Variants in NCAPG2 observed in about 807,000 individuals in gnomAD.
NCAPG2 encodes non-SMC condensin II complex subunit G2.
In NCAPG2, 53 loss-of-function variants were observed where a neutral mutation model predicts 141.1. That is an observed-to-expected ratio of 0.38 (90% CI 0.30 to 0.47). The LOEUF is 0.47. Among genes scored for constraint, NCAPG2 ranks in the 20% least tolerant of loss-of-function variants. NCAPG2 has a pLI of 0.99. For synonymous variants in NCAPG2, 499 were observed against 490.7 expected (o/e 1.02, Z -0.22); for missense variants, 1,087 against 1,389.0 (o/e 0.78, Z 3.46).
chr7:158,641,172 T>TA (rs755584185), intron 27 of NCAPG2: 7 of 241,550 alleles, frequency 2.9e-5, no homozygotes, highest in Non-Finnish European at 4.7e-5. Flanking sequence ...AACGGCATCA[T>TA]AAAATGTTCA....
intron 2 of NCAPG2, chr7:158,696,613 CA>C (rs1264584808): frequency 6.6e-6 from 1 of 152,192 alleles, no homozygotes; most frequent in Admixed American, 6.5e-5. Context: ...TAAAAACTGG[CA>C]AACCTGGACG....
intron 2 of NCAPG2, 116 bp from the exon 3 acceptor site, chr7:158,693,613 G>C (rs1835264760): frequency 2.1e-6 from 2 of 931,938 alleles, no homozygotes; most frequent in Admixed American, 3.1e-5. Flanking sequence ...CAAGAGTTTG[G>C]TTGCAGTATT....
chr7:158,701,680 G>C, intron 2 of NCAPG2, 142 bp downstream of exon 2: 1 of 753,030 alleles, frequency 1.3e-6, no homozygotes, highest in Non-Finnish European at 2.2e-6. Flanking sequence ...AGTATAAAGG[G>C]TTTTGTTTTC....
intron 24 of NCAPG2, among the ~76,000 whole-genome samples, chr7:158,648,587 C>G (rs199981167): frequency 0.21 from 11,776 of 55,676 alleles, 2,207 homozygotes; most frequent in Non-Finnish European, 0.28. Flanking sequence ...GACAACCACG[C>G]CAAATGGACG....
chr7:158,698,993 C>T (rs1374818962), intron 2 of NCAPG2, among the ~76,000 whole-genome samples: 1 of 151,990 alleles, frequency 6.6e-6, no homozygotes, highest in Non-Finnish European at 1.5e-5. Context: ...TACTATGTTG[C>T]CCAGGCCAGT....
intron 3 of NCAPG2, 37 bp from the exon 4 acceptor site, chr7:158,692,993 T>C: frequency 7.5e-7 from 1 of 1,333,794 alleles, no homozygotes. Context: ...TGAATTAAAA[T>C]CATCAACTTA....
chr7:158,655,742 G>GCCCTGCACGCAGCACCACCCGTCCCCCC (rs1405727341), intron 19 of NCAPG2, among the ~76,000 whole-genome samples: 2 of 151,832 alleles, frequency 1.3e-5, no homozygotes, highest in African/African-American at 4.8e-5. Flanking sequence ...CTCCCCATCT[G>GCCCTGCACGCAGCACCACCCGTCCCCCC]CCTGGCTCCA....
At chr7:158,634,329 T>G (rs1199412487) in intron 27 of NCAPG2, among the ~76,000 whole-genome samples, 1 of 152,210 alleles carries the variant, frequency 6.6e-6, no homozygotes, top group Non-Finnish European at 1.5e-5. Flanking sequence ...TATACTATAT[T>G]GTCTATATAC....
At chr7:158,668,243 TC>T (rs370192821) in intron 13 of NCAPG2, 2 of 32,496 alleles carry the variant, frequency 6.2e-5, no homozygotes, top group African/African-American at 1.1e-3. Flanking sequence ...CCCTCTGCCC[TC>T]CTTACCCACT....
chr7:158,675,933 C>T (rs766516630), intron 11 of NCAPG2, among the ~76,000 whole-genome samples: 3 of 152,214 alleles, frequency 2.0e-5, no homozygotes, highest in African/African-American at 4.8e-5. Context: ...CCTGCACACT[C>T]AGCTGACCAT....
intron 11 of NCAPG2, among the ~76,000 whole-genome samples, chr7:158,676,020 C>T (rs912663291): frequency 6.6e-6 from 1 of 152,102 alleles, no homozygotes; most frequent in Admixed American, 6.5e-5. Flanking sequence ...ATTTTAGAGC[C>T]CAGAATAAAA....
At chr7:158,699,558 C>A (rs1055585986) in intron 2 of NCAPG2, among the ~76,000 whole-genome samples, 2 of 152,146 alleles carry the variant, frequency 1.3e-5, no homozygotes, top group African/African-American at 4.8e-5. Flanking sequence ...ACATTGTGCC[C>A]CTCACCTGCT....
At chr7:158,664,486 G>A (rs1832769508) in intron 14 of NCAPG2, 42 bp downstream of exon 14, 6 of 1,589,146 alleles carry the variant, frequency 3.8e-6, no homozygotes, top group Admixed American at 1.7e-5. Flanking sequence ...ATGCTTTTGG[G>A]GGAAAACATA....
Position 158,654,609 on chromosome 7 carries a change from C to T in NCAPG2, c.2732G>A (p.Gly911Glu), listed in dbSNP as rs1831762378. The change falls in exon 22 of 28, where the codon GGA becomes GAA. Residue 911 changes from glycine to glutamate, a missense_variant. Coordinates refer to ENST00000356309, the MANE Select transcript of NCAPG2 (RefSeq NM_017760.7). ...FQMQLLQRSL[G>E]IMQTVKGFFY... Reference sequence around the variant, plus strand: ...CCTGACTGTACCTGTTTGCATGATTCCAAGACTCCGCTGTAAGAGTTGCAT... The same window carrying T: ...CCTGACTGTACCTGTTTGCATGATTTCAAGACTCCGCTGTAAGAGTTGCAT... 1 of 1,613,888 alleles carries T rather than the reference C, an allele frequency of 6.2e-7. No homozygotes were observed. The highest frequency in any genetic ancestry group is 1.1e-5 in the South Asian group (1 of 91,038).
intron 6 of NCAPG2, among the ~76,000 whole-genome samples, chr7:158,688,349 G>A (rs1190848788): frequency 6.6e-6 from 1 of 152,144 alleles, no homozygotes; most frequent in Non-Finnish European, 1.5e-5. Flanking sequence ...AAAGGGTAGA[G>A]GTTATAACAC....
intron 13 of NCAPG2, among the ~76,000 whole-genome samples, chr7:158,670,567 C>G (rs1040728089): frequency 1.3e-5 from 2 of 152,170 alleles, no homozygotes; most frequent in African/African-American, 4.8e-5. Flanking sequence ...CACCTCATCA[C>G]CCTAAGCAAC....
chr7:158,699,953 A>C (rs1835682080), intron 2 of NCAPG2, among the ~76,000 whole-genome samples: 2 of 150,438 alleles, frequency 1.3e-5, no homozygotes, highest in African/African-American at 5.0e-5. Flanking sequence ...TTATTTATTT[A>C]TTTTAACCAA....
Position 158,662,274 on chromosome 7 carries a change from T to C in NCAPG2, c.1909A>G (p.Met637Val). 1 of 1,611,394 alleles carries C rather than the reference T, an allele frequency of 6.2e-7. No individual in the cohort carries two copies. ...VILWKSIDRS[M>V]ENNKEAKLYT... ...AGTTTGGCCTCTTTATTATTTTCCATACTTCTGTCAATACTTTTCCAGAGA... is the reference window on the plus strand; with the variant it reads ...AGTTTGGCCTCTTTATTATTTTCCACACTTCTGTCAATACTTTTCCAGAGA... Residue 637 changes from methionine to valine, a missense_variant, in exon 16 of 28, where the codon ATG (methionine) becomes GTG (valine). Coordinates refer to ENST00000356309, the MANE Select transcript of NCAPG2 (RefSeq NM_017760.7).
intron 27 of NCAPG2, among the ~76,000 whole-genome samples, chr7:158,639,351 AC>A (rs1830488262): frequency 6.6e-6 from 1 of 152,048 alleles, no homozygotes; most frequent in East Asian, 1.9e-4. Context: ...CAAGCAATTC[AC>A]CTGCCTTGGC....
Sources: gnomAD v4.1 joint callset for allele counts (sites outside exome capture counted in the v4.1 genomes callset) on GRCh38, gnomAD v4.1.1 for gene constraint, MANE v1.5 for transcripts, NCBI Gene and HGNC (gene_info 2026-07-23, HGNC 2026-07-21) for gene names.